GAA: variants seen among roughly 807,000 people sequenced by gnomAD.
GAA encodes alpha glucosidase.
In GAA, 88 loss-of-function variants were observed where a neutral mutation model predicts 103.9. The observed-to-expected ratio is 0.85, with a 90% CI of 0.71 to 1.01. The LOEUF is 1.01. Ranked by LOEUF, GAA falls within the 50% of genes least tolerant of loss-of-function variation. The pLI is 0.00. For synonymous variants in GAA, 572 were observed against 563.1 expected, an observed-to-expected ratio of 1.02 and a Z score of -0.22; for missense variants, 1,350 against 1,305.3, an observed-to-expected ratio of 1.03 and a Z score of -0.53.
chr17:80,110,799 G>A lies in GAA; in HGVS notation c.1510G>A (p.Ala504Thr), dbSNP rs2143872747. The change falls in exon 10 of 20, where the codon GCT becomes ACT. Residue 504 changes from alanine (A) to threonine (T), a missense_variant. Coordinates refer to ENST00000302262, the MANE Select transcript of GAA (RefSeq NM_000152.5). ...TALAWWEDMV[A>T]EFHDQVPFDG... The stretch of plus-strand genomic sequence containing the variant: ...CCTGGCCTGGTGGGAGGACATGGTG[G>A]CTGAGTTCCATGACCAGGTGCCCTT... 2 of 1,614,148 alleles carry A rather than the reference G, an allele frequency of 1.2e-6. No individual in the cohort carries two copies. Among genetic ancestry groups the A allele is most frequent in the Non-Finnish European group, 1.7e-6 (2 of 1,180,018 alleles).
chr17:80,110,281 C>T (rs1431931761), intron 9 of GAA, among the ~76,000 whole-genome samples: 1 of 152,218 alleles, frequency 6.6e-6, no homozygotes, highest in Non-Finnish European at 1.5e-5. Flanking sequence ...CTGGGCCTGG[C>T]CCAGGCACAA....
chr17:80,108,773 TC>T lies in GAA; in HGVS notation c.1274del (p.Pro425ArgfsTer15). The T allele has an allele frequency of 6.2e-7, 1 of 1,609,802 alleles. No homozygotes were observed. Among genetic ancestry groups the T allele is most frequent in the South Asian group, 1.1e-5 (1 of 90,564 alleles). On this transcript the variant is annotated frameshift_variant, in exon 8 of 20. Transcript: ENST00000302262. LOFTEE classifies it high-confidence loss of function. ...TTCAACAAGGATGGCTTCCGGGACT[TC>T]CCGGCCATGGTGCAGGAGCTGCACC... ...FTFNKDGFRD[F>X]PAMVQELHQG...
rs2039021956 is a variant in GAA at position 80,104,515 on chromosome 17, C to T, written c.-32-40C>T. ...CTTTGAGAGCCCCGTGAGTGCCGCC[C>T]CTCCCGCCTCCCTGCTGAGCCCGCT... On this transcript the variant is annotated intron_variant, in intron 1 of 19. Transcript: ENST00000302262. The surrounding 1 kb of genome is among the most constrained non-coding windows in gnomAD (Gnocchi z 4.0). 1 of 1,444,520 alleles carries T rather than the reference C, an allele frequency of 6.9e-7. No individual in the cohort carries two copies. Among genetic ancestry groups the T allele is most frequent in the Non-Finnish European group, 9.3e-7 (1 of 1,070,212 alleles). The allele number at this position is 1,444,520 out of a possible 1,614,324, so 89.5% of individuals were successfully genotyped here. A position where few individuals can be genotyped will look rare whatever the true frequency, so the allele number is the denominator to read the frequency against.
chr17:80,117,512 A>G, intron 16 of GAA, 88 bp from the exon 17 acceptor site: 1 of 1,502,560 alleles, frequency 6.7e-7, no homozygotes, highest in Non-Finnish European at 9.3e-7. Context: ...CTCCACGTGG[A>G]GCCCCGGGAG....
chr17:80,113,696 C>T (rs988685491), intron 15 of GAA, among the ~76,000 whole-genome samples: 2 of 152,084 alleles, frequency 1.3e-5, no homozygotes, highest in African/African-American at 4.8e-5. Context: ...ACATAAGTTC[C>T]AGATAAATTA....
chr17:80,116,587 T>C (rs2039357104), intron 15 of GAA, among the ~76,000 whole-genome samples: 1 of 152,226 alleles, frequency 6.6e-6, no homozygotes, highest in African/African-American at 2.4e-5. Context: ...ACTGGGAGGA[T>C]CTTTTCTCTT....
chr17:80,119,299 A>T lies in GAA; in HGVS notation c.2827A>T (p.Met943Leu). ...CCTGGACATCTGTGTCTCGCTGTTG[A>T]TGGGAGAGCAGTTTCTCGTCAGCTG... ...KVLDICVSLL[M>L]GEQFLVSWC Residue 943 changes from methionine to leucine, a missense_variant, in exon 20 of 20, where the codon ATG (methionine) becomes TTG (leucine). Physicochemically the swap from Met to Leu is conservative, Grantham distance 15. Transcript: ENST00000302262. The T allele has an allele frequency of 6.2e-7, 1 of 1,613,874 alleles. No individual in the cohort carries two copies. Among genetic ancestry groups the T allele is most frequent in the Non-Finnish European group, 8.5e-7 (1 of 1,179,910 alleles).
chr17:80,108,680 C>CCCAGCAGA lies in GAA; in HGVS notation c.1195-16_1195-15insCAGCAGAC, dbSNP rs768465864. On this transcript the variant is annotated splice_polypyrimidine_tract_variant and intron_variant, in intron 7 of 19. Transcript: ENST00000302262. The stretch of plus-strand genomic sequence containing the variant: ...TCTCCTCAGGCCCCAGCAGACGGTC[C>CCCAGCAGA]CGTGTTGTGGCTGCAGGACGTCCAG... The CCCAGCAGA allele has an allele frequency of 3.1e-6, 5 of 1,612,840 alleles. No individual in the cohort carries two copies. The highest frequency in any genetic ancestry group is 4.2e-6 in the Non-Finnish European group (5 of 1,179,996).
rs1184398244 is a variant in GAA, at chr17:80,101,688, T to A, written c.-235T>A. Reference sequence around the variant, plus strand: ...GGGCCGGGTCGGTGGGGCGGTCGGCTGCCCGCGCGGCCTCTCAGTTGGGAA... The same window carrying A: ...GGGCCGGGTCGGTGGGGCGGTCGGCAGCCCGCGCGGCCTCTCAGTTGGGAA... On this transcript the variant is annotated 5_prime_UTR_variant, in exon 1 of 20. Coordinates refer to ENST00000302262, the MANE Select transcript of GAA (RefSeq NM_000152.5). 6.6e-6 allele frequency: 1 copy of A among 152,114 alleles called. No individual in the cohort carries two copies. The highest frequency in any genetic ancestry group is 6.6e-5 in the Admixed American group (1 of 15,258). 9.4% of individuals were successfully genotyped at this position (152,114 alleles called of 1,614,324 possible).
At position 80,101,724 on chromosome 17, in the gene GAA, G is replaced by A. The variant is rs1186578163; in HGVS notation, c.-199G>A. On this transcript the variant is annotated 5_prime_UTR_variant, in exon 1 of 20. Coordinates refer to ENST00000302262, the MANE Select transcript of GAA (RefSeq NM_000152.5). ...CCTCTCAGTTGGGAAAGCTGAGGTT[G>A]TCGCCGGGGCCGCGGGTGGAGGTCG... is the stretch of plus-strand genomic sequence containing the variant. 1 of 152,306 alleles carries A rather than the reference G, an allele frequency of 6.6e-6. No homozygotes were observed. Among genetic ancestry groups the A allele is most frequent in the African/African-American group, 2.4e-5 (1 of 41,442 alleles). The allele number at this position is 152,306 out of a possible 1,614,324, so 9.4% of individuals were successfully genotyped here. A position where few individuals can be genotyped will look rare whatever the true frequency, so the allele number is the denominator to read the frequency against.
chr17:80,115,035 G>A (rs796692263), intron 15 of GAA, among the ~76,000 whole-genome samples: 4 of 152,094 alleles, frequency 2.6e-5, no homozygotes, highest in Admixed American at 6.5e-5. Context: ...TTGAAGTCCC[G>A]ATGGTGTGTC....
chr17:80,118,884 G>C, intron 19 of GAA, 79 bp downstream of exon 19: 1 of 1,532,214 alleles, frequency 6.5e-7, no homozygotes, highest in Non-Finnish European at 8.9e-7. Context: ...GCGTCCTGGT[G>C]ACCGATGCCA....
chr17:80,104,653 A>G lies in GAA; in HGVS notation c.67A>G (p.Thr23Ala), dbSNP rs2289537. Reference protein sequence around the residue: ...LAVCALVSLATAALLGHILLH... With the variant: ...LAVCALVSLAAAALLGHILLH... ...CGTCTGCGCCCTCGTGTCCTTGGCAACCGCTGCACTCCTGGGGCACATCCT... is the reference window on the plus strand; with the variant it reads ...CGTCTGCGCCCTCGTGTCCTTGGCAGCCGCTGCACTCCTGGGGCACATCCT... Residue 23 changes from threonine (T) to alanine (A), a missense_variant, in exon 2 of 20, where the codon ACC (threonine) becomes GCC (alanine). Physicochemically the swap from Thr to Ala is moderately conservative, Grantham distance 58 (BLOSUM62 0). Coordinates refer to ENST00000302262, the MANE Select transcript of GAA (RefSeq NM_000152.5). The surrounding 1 kb of genome is among the most constrained non-coding windows in gnomAD (Gnocchi z 4.0). 4.2e-5 allele frequency: 67 copies of G among 1,613,108 alleles called. No homozygotes were observed. In the East Asian group the frequency reaches 1.3e-3, roughly 32 times the overall value.
At chr17:80,117,929 C>T (rs1456513064) in intron 17 of GAA, among the ~76,000 whole-genome samples, 180 bp downstream of exon 17, 3 of 152,180 alleles carry the variant, frequency 2.0e-5, no homozygotes, top group African/African-American at 4.8e-5. Flanking sequence ...CCCACAAAGG[C>T]GTGGAGCATG....
rs749968903 is a variant in GAA, at chr17:80,109,972, G to T, written c.1354G>T (p.Ala452Ser). The T allele has an allele frequency of 6.2e-7, 1 of 1,613,380 alleles. No individual in the cohort carries two copies. Among genetic ancestry groups the T allele is most frequent in the South Asian group, 1.1e-5 (1 of 91,080 alleles). ...TCCTGCCATCAGCAGCTCGGGCCCTGCCGGGAGCTACAGGCCCTACGACGA... is the reference window on the plus strand; with the variant it reads ...TCCTGCCATCAGCAGCTCGGGCCCTTCCGGGAGCTACAGGCCCTACGACGA... ...VDPAISSSGP[A>S]GSYRPYDEGL... Residue 452 changes from alanine (A) to serine (S), a missense_variant, in exon 9 of 20, where the codon GCC becomes TCC. Transcript: ENST00000302262.
At chr17:80,114,168 G>A (rs1385325384) in intron 15 of GAA, among the ~76,000 whole-genome samples, 1 of 148,468 alleles carries the variant, frequency 6.7e-6, no homozygotes, top group African/African-American at 2.5e-5. Context: ...AACACAAAAA[G>A]ATTAAAACTG....
Position 80,119,800 on chromosome 17 carries a change from G to A in GAA, c.*469G>A. The stretch of plus-strand genomic sequence containing the variant: ...CCTGCCGGTCCCCGAGCAAGCCTGG[G>A]AACTCAGGAAAATTCACAGGACTTG... On this transcript the variant is annotated 3_prime_UTR_variant, in exon 20 of 20. Transcript: ENST00000302262. The A allele has an allele frequency of 4.9e-6, 1 of 204,728 alleles. No individual in the cohort carries two copies. The highest frequency in any genetic ancestry group is 1.0e-5 in the Non-Finnish European group (1 of 98,780). The allele number at this position is 204,728 out of a possible 1,614,324, so 12.7% of individuals were successfully genotyped here.
chr17:80,108,449 T>C (rs774045810), intron 6 of GAA, 40 bp downstream of exon 6: 1 of 1,612,980 alleles, frequency 6.2e-7, no homozygotes, highest in African/African-American at 1.3e-5. Context: ...GCCCCAAGGC[T>C]CCCTCCTCCC....
intron 14 of GAA, 24 bp downstream of exon 14, chr17:80,113,051 C>T: frequency 6.3e-7 from 1 of 1,596,340 alleles, no homozygotes; most frequent in Non-Finnish European, 8.5e-7. Flanking sequence ...GGCGGCATGG[C>T]AGGTGGGCGA....
Sources: allele counts gnomAD v4.1 joint callset (sites outside exome capture counted in the v4.1 genomes callset), GRCh38; gene constraint gnomAD v4.1.1; non-coding constraint Gnocchi (gnomAD v3.1); transcripts MANE v1.5; gene names NCBI Gene and HGNC (gene_info 2026-07-23, HGNC 2026-07-21).